The following GEMIN8 variants were observed in gnomAD, a reference collection of about 807,000 sequenced individuals.
The protein encoded by GEMIN8 is gem nuclear organelle associated protein 8, also known as gem-associated protein 8.
For missense variants in GEMIN8, 185 were observed against 205.9 expected (o/e 0.90, Z 0.62); for synonymous variants, 80 against 78.5 (o/e 1.02, Z -0.10).
the GEMIN8 span, among the ~76,000 whole-genome samples, chrX:13,991,305 A>G: frequency 8.9e-6 from 1 of 112,161 alleles, no homozygotes; most frequent in East Asian, 2.8e-4. Flanking sequence ...GCTTGGTGAT[A>G]AACTCAAGCA....
intron 1 of GEMIN8, among the ~76,000 whole-genome samples, chrX:14,028,961 T>C (rs189621141): frequency 6.2e-5 from 7 of 112,465 alleles, no homozygotes; most frequent in African/African-American, 2.3e-4. Flanking sequence ...ATCTTTAGTC[T>C]AGATTTTTTA....
rs1341273862 is a variant in GEMIN8, at chrX:14,008,977, C to T, written c.665G>A (p.Ser222Asn). 2 of 1,210,433 alleles carry T rather than the reference C, an allele frequency of 1.7e-6. No homozygotes were observed. Residue 222 changes from serine to asparagine, a missense_variant, in exon 5 of 5, where the codon AGC (serine) becomes AAC (asparagine). Coordinates refer to ENST00000680255, the MANE Select transcript of GEMIN8 (RefSeq NM_001042479.2). ...CTTTCGGTCACAGTGCTTGTCAAAGCTCAGCTGCACCGCGGCCTCCATGGC... is the reference window on the plus strand; with the variant it reads ...CTTTCGGTCACAGTGCTTGTCAAAGTTCAGCTGCACCGCGGCCTCCATGGC... ...IQAMEAAVQLSFDKHCDRKQP... is the reference protein window; with the variant it reads ...IQAMEAAVQLNFDKHCDRKQP...
chrX:14,011,581 C>T (rs1046530919), intron 4 of GEMIN8, among the ~76,000 whole-genome samples: 3 of 83,838 alleles, frequency 3.6e-5, no homozygotes, highest in African/African-American at 4.7e-5. Context: ...GGTGGGTTTG[C>T]TGAGTGCCTT....
chrX:14,014,617 C>G (rs1923790185), intron 4 of GEMIN8: 1 of 517,827 alleles, frequency 1.9e-6, no homozygotes. Context: ...TTGACTAAAG[C>G]AAGACAGCTC....
At position 14,021,389 on chromosome X, in the gene GEMIN8, G is replaced by C. The variant is rs1328637726; in HGVS notation, c.15+75C>G. 1.3e-5 allele frequency: 8 copies of C among 597,675 alleles called. No individual in the cohort carries two copies. The East Asian group carries it at 2.9e-4, about 22-fold the overall frequency. 49.3% of individuals were successfully genotyped at this position (597,675 alleles called of 1,213,427 possible). On this transcript the variant is annotated intron_variant, in intron 3 of 4. Transcript: ENST00000680255. ...GTGCGCATGTACCCTAAAACTTAAA[G>C]TATAAAAAAAAAGACTAAAGTTTAC...
the GEMIN8 span, among the ~76,000 whole-genome samples, chrX:13,990,095 T>C: frequency 8.9e-6 from 1 of 112,900 alleles, no homozygotes; most frequent in African/African-American, 3.2e-5. Context: ...ATTTTATTCA[T>C]TTTAATTAAG....
chrX:14,023,072 T>A (rs1924470977), intron 2 of GEMIN8, among the ~76,000 whole-genome samples: 1 of 112,523 alleles, frequency 8.9e-6, no homozygotes, highest in Admixed American at 9.4e-5. Flanking sequence ...TTGTCTTAAA[T>A]TCAATACTAT....
chrX:13,985,177 T>C, the GEMIN8 span, among the ~76,000 whole-genome samples: 1 of 111,527 alleles, frequency 9.0e-6, no homozygotes, highest in African/African-American at 3.3e-5. Flanking sequence ...TCAGGATTTT[T>C]TGGGTTATTT....
At chrX:14,004,783 G>A (rs1168498877), downstream of GEMIN8, among the ~76,000 whole-genome samples, 1 of 111,272 alleles carries the variant, frequency 9.0e-6, no homozygotes, top group Non-Finnish European at 1.9e-5. Context: ...GGCTGGTCTC[G>A]AACTCCTGGC....
downstream of GEMIN8, among the ~76,000 whole-genome samples, chrX:14,001,995 C>T (rs1922985820): frequency 9.4e-6 from 1 of 106,275 alleles, no homozygotes; most frequent in Non-Finnish European, 1.9e-5. Flanking sequence ...GTGGTAGGCA[C>T]CTCTAATCCC....
At chrX:14,011,112 C>T (rs931525639) in intron 4 of GEMIN8, among the ~76,000 whole-genome samples, 1 of 111,917 alleles carries the variant, frequency 8.9e-6, no homozygotes, top group East Asian at 2.8e-4. Context: ...GTGAAAGCCC[C>T]GCTGGGGACT....
intron 2 of GEMIN8, among the ~76,000 whole-genome samples, chrX:14,025,417 T>C (rs1212163475): frequency 9.0e-6 from 1 of 111,373 alleles, no homozygotes; most frequent in Non-Finnish European, 1.9e-5. Flanking sequence ...AAAAACAGGC[T>C]GTGGGCTTTT....
At chrX:13,987,433 T>C in the GEMIN8 span, among the ~76,000 whole-genome samples, 1 of 111,593 alleles carries the variant, frequency 9.0e-6, no homozygotes, top group Non-Finnish European at 1.9e-5. Flanking sequence ...ATCTGGGCTT[T>C]GGGTCCTCTG....
intron 1 of GEMIN8, among the ~76,000 whole-genome samples, chrX:14,028,946 T>C (rs1451002112): frequency 8.9e-6 from 1 of 112,476 alleles, no homozygotes; most frequent in Admixed American, 9.4e-5. Flanking sequence ...AGTGTTGCGT[T>C]ACTAATCTTT....
the GEMIN8 span, among the ~76,000 whole-genome samples, chrX:13,991,033 G>A: frequency 1.8e-5 from 2 of 112,813 alleles, no homozygotes; most frequent in Non-Finnish European, 3.7e-5. Flanking sequence ...CGCCTGGCCT[G>A]CACTTTGCTT....
At chrX:13,990,305 G>C in the GEMIN8 span, among the ~76,000 whole-genome samples, 2 of 112,731 alleles carry the variant, frequency 1.8e-5, no homozygotes, top group African/African-American at 3.2e-5. Context: ...AAAAGGCTGT[G>C]TTGTTGAGCG....
chrX:14,025,955 T>G, intron 2 of GEMIN8, 185 bp downstream of exon 2: 6 of 408,633 alleles, frequency 1.5e-5, no homozygotes, highest in South Asian at 1.2e-4. Context: ...TCTTCACGCA[T>G]GGAGAACTTA....
At chrX:14,025,348 A>AAC (rs1555949711) in intron 2 of GEMIN8, among the ~76,000 whole-genome samples, 11 of 110,163 alleles carry the variant, frequency 1.0e-4, no homozygotes, top group East Asian at 2.8e-4. Context: ...AAAAAAAAAA[A>AAC]ACACACACCA....
downstream of GEMIN8, among the ~76,000 whole-genome samples, chrX:14,004,599 G>A (rs770417438): frequency 9.8e-5 from 11 of 112,182 alleles, no homozygotes; most frequent in South Asian, 3.7e-4. Context: ...ACAGCATCTC[G>A]CTCTGTTGCC....
Sources: gnomAD v4.1 joint callset for allele counts (sites outside exome capture counted in the v4.1 genomes callset) on GRCh38, gnomAD v4.1.1 for gene constraint, MANE v1.5 for transcripts, NCBI Gene and HGNC (gene_info 2026-07-23, HGNC 2026-07-21) for gene names.